The following LRP1B variants were observed in gnomAD, a reference collection of about 807,000 sequenced individuals.
LRP1B encodes LDL receptor related protein 1B.
In LRP1B, 217 loss-of-function variants were observed where a neutral mutation model predicts 556.6. That is an observed-to-expected ratio of 0.39 (90% CI 0.35 to 0.44). The LOEUF (loss-of-function observed/expected upper bound fraction) is 0.44. LRP1B is among the 20% of genes least tolerant of loss of function. LRP1B has a pLI of 1.00. For synonymous variants in LRP1B, 2,047 were observed against 1,865.8 expected, an observed-to-expected ratio of 1.10 and a Z score of -2.50; for missense variants, 5,053 against 5,620.8, an observed-to-expected ratio of 0.90 and a Z score of 3.23.
At chr2:141,466,183 G>A (rs1040155212) in intron 3 of LRP1B, among the ~76,000 whole-genome samples, 8 of 152,120 alleles carry the variant, frequency 5.3e-5, no homozygotes, top group African/African-American at 1.4e-4. Context: ...CACTGCGCCC[G>A]GCCTAAATAT....
At chr2:140,744,324 A>C (rs17573566) in intron 35 of LRP1B, among the ~76,000 whole-genome samples, 6,725 of 152,298 alleles carry the variant, frequency 0.044, 229 homozygotes, top group South Asian at 0.092. Flanking sequence ...CAGAACAAAA[A>C]TAAAAGCACA....
chr2:141,177,145 T>A (rs556894866), intron 7 of LRP1B, among the ~76,000 whole-genome samples: 1 of 152,196 alleles, frequency 6.6e-6, no homozygotes, highest in East Asian at 1.9e-4. Context: ...TTTTTACCTC[T>A]GGTCAAAATC....
intron 2 of LRP1B, among the ~76,000 whole-genome samples, chr2:141,653,597 T>C (rs1356146692): frequency 1.3e-5 from 2 of 148,764 alleles, no homozygotes; most frequent in Admixed American, 1.3e-4. Context: ...ATACAGGTGT[T>C]GCAAAGGAAT....
intron 1 of LRP1B, among the ~76,000 whole-genome samples, chr2:142,037,569 A>C (rs1041161023): frequency 6.6e-6 from 1 of 151,648 alleles, no homozygotes; most frequent in Admixed American, 6.6e-5. Context: ...AAATAGCAGG[A>C]TCCATAAGCT....
chr2:140,484,240 TCTC>T (rs1558914322), intron 59 of LRP1B, among the ~76,000 whole-genome samples: 1 of 152,108 alleles, frequency 6.6e-6, no homozygotes, highest in East Asian at 1.9e-4. Flanking sequence ...GTACAAAGCT[TCTC>T]CTATTAGGTA....
intron 60 of LRP1B, among the ~76,000 whole-genome samples, chr2:140,463,153 T>C (rs1448394741): frequency 1.3e-5 from 2 of 151,938 alleles, no homozygotes; most frequent in Non-Finnish European, 2.9e-5. Context: ...ACAAAGAAAG[T>C]GGAAGATTCA....
chr2:142,082,306 T>C (rs1278344905), intron 1 of LRP1B, among the ~76,000 whole-genome samples: 1 of 152,144 alleles, frequency 6.6e-6, no homozygotes, highest in Non-Finnish European at 1.5e-5. Flanking sequence ...ACAGGCAAGA[T>C]GAATCAAACT....
intron 1 of LRP1B, among the ~76,000 whole-genome samples, chr2:142,026,867 A>G (rs1388388823): frequency 1.3e-5 from 2 of 151,994 alleles, no homozygotes. Flanking sequence ...GTTATTTTTC[A>G]TATCTTCTCA....
chr2:141,510,233 CA>C (rs1405396716), intron 2 of LRP1B, among the ~76,000 whole-genome samples: 6 of 148,602 alleles, frequency 4.0e-5, no homozygotes, highest in African/African-American at 1.0e-4. Context: ...CACACACACA[CA>C]CCCCCCACAG....
intron 3 of LRP1B, among the ~76,000 whole-genome samples, chr2:141,393,308 A>T (rs1248792234): frequency 6.6e-6 from 1 of 152,150 alleles, no homozygotes; most frequent in Admixed American, 6.6e-5. Context: ...CTCTAACAGC[A>T]CCGCAATGTG....
chr2:141,660,201 G>A (rs559111224), intron 2 of LRP1B, among the ~76,000 whole-genome samples: 2 of 152,194 alleles, frequency 1.3e-5, no homozygotes, highest in Admixed American at 6.5e-5. Context: ...AGGGTGGAGC[G>A]ACAGCCCACC....
intron 33 of LRP1B, among the ~76,000 whole-genome samples, chr2:140,772,784 A>G (rs992246911): frequency 3.3e-5 from 5 of 152,112 alleles, no homozygotes; most frequent in Admixed American, 3.3e-4. Context: ...ATAGAGCTTG[A>G]AAGAACATTT....
intron 3 of LRP1B, among the ~76,000 whole-genome samples, chr2:141,356,678 C>T (rs1445461715): frequency 6.6e-6 from 1 of 152,080 alleles, no homozygotes; most frequent in African/African-American, 2.4e-5. Context: ...TTAAAGTTGA[C>T]ATGACATTTT....
At chr2:141,546,155 ACTT>A (rs1156764356) in intron 2 of LRP1B, among the ~76,000 whole-genome samples, 5 of 152,048 alleles carry the variant, frequency 3.3e-5, no homozygotes, top group Non-Finnish European at 7.4e-5. Flanking sequence ...CCAAGTTCAC[ACTT>A]CTTATTATGA....
intron 76 of LRP1B, among the ~76,000 whole-genome samples, chr2:140,352,279 G>A (rs970905207): frequency 7.9e-5 from 12 of 152,074 alleles, no homozygotes; most frequent in South Asian, 4.2e-4. Flanking sequence ...GGGTTGAAGC[G>A]ATTCTCCTGC....
intron 2 of LRP1B, among the ~76,000 whole-genome samples, chr2:141,808,646 AAC>A (rs2105702543): frequency 6.6e-6 from 1 of 152,228 alleles, no homozygotes; most frequent in African/African-American, 2.4e-5. Context: ...AAAACATATC[AAC>A]AGAGTTGTAC....
intron 20 of LRP1B, among the ~76,000 whole-genome samples, chr2:140,939,658 A>G (rs1695336185): frequency 6.6e-6 from 1 of 151,424 alleles, no homozygotes; most frequent in Non-Finnish European, 1.5e-5. Flanking sequence ...ACAGCAGGCA[A>G]TAAATATTCC....
intron 85 of LRP1B, among the ~76,000 whole-genome samples, chr2:140,273,082 G>A (rs1682534567): frequency 6.6e-6 from 1 of 151,848 alleles, no homozygotes; most frequent in South Asian, 2.1e-4. Flanking sequence ...CTCCACATGA[G>A]CTTTTCCAAG....
At chr2:141,118,738 T>C (rs2104989499) in intron 7 of LRP1B, among the ~76,000 whole-genome samples, 1 of 152,066 alleles carries the variant, frequency 6.6e-6, no homozygotes, top group East Asian at 1.9e-4. Context: ...GTTATTATCT[T>C]CAATTAAGAG....
Sources: gnomAD v4.1 joint callset for allele counts (sites outside exome capture counted in the v4.1 genomes callset) on GRCh38, gnomAD v4.1.1 for gene constraint, MANE v1.5 for transcripts, NCBI Gene and HGNC (gene_info 2026-07-23, HGNC 2026-07-21) for gene names.